The following TTC33 variants were observed in gnomAD, a reference collection of about 807,000 sequenced individuals.
TTC33 encodes tetratricopeptide repeat domain 33.
In TTC33, 24 loss-of-function variants were observed where a neutral mutation model predicts 29.4. The ratio of observed to expected loss-of-function variants is 0.82; its 90% CI spans 0.59 to 1.15. TTC33 has a LOEUF of 1.15. Ranked by LOEUF, TTC33 falls within the 50% of genes most tolerant of loss-of-function variation. The pLI, the probability that TTC33 is intolerant of heterozygous loss-of-function variation, is 0.00. For missense variants in TTC33, 286 were observed against 310.4 expected (o/e 0.92, Z 0.59); for synonymous variants, 107 against 100.3 (o/e 1.07, Z -0.40).
chr5:40,751,994 T>G (rs1343677188), intron 1 of TTC33, among the ~76,000 whole-genome samples: 1 of 151,704 alleles, frequency 6.6e-6, no homozygotes, highest in Non-Finnish European at 1.5e-5. Context: ...TCTCATTTAG[T>G]GTAGCCAACT....
At chr5:40,718,041 A>T (rs1339668092) in intron 4 of TTC33, among the ~76,000 whole-genome samples, 1 of 151,652 alleles carries the variant, frequency 6.6e-6, no homozygotes, top group Non-Finnish European at 1.5e-5. Flanking sequence ...CAGCCTGGGC[A>T]ACAAGAGCGA....
chr5:40,736,344 T>C (rs1287840309), intron 2 of TTC33, among the ~76,000 whole-genome samples: 2 of 152,216 alleles, frequency 1.3e-5, no homozygotes, highest in Non-Finnish European at 2.9e-5. Flanking sequence ...CACCCTCAAA[T>C]TTACATTAGT....
intron 1 of TTC33, among the ~76,000 whole-genome samples, chr5:40,749,965 G>A (rs1452516813): frequency 6.6e-6 from 1 of 152,010 alleles, no homozygotes; most frequent in Non-Finnish European, 1.5e-5. Flanking sequence ...GCATGTGCCT[G>A]TAATCCCAGC....
intron 2 of TTC33, among the ~76,000 whole-genome samples, chr5:40,734,656 C>T (rs968137144): frequency 1.3e-5 from 2 of 152,154 alleles, no homozygotes; most frequent in East Asian, 3.8e-4. Context: ...TTTACTGTGG[C>T]TTTAAATTTA....
In TTC33 at chr5:40,732,126, C is replaced by T. The variant is rs554886217; in HGVS notation, c.222-1783G>A. 2.6e-5 allele frequency among the ~76,000 whole-genome samples: 4 copies of T among 152,332 alleles called. No homozygotes were observed. The South Asian group carries it at 6.2e-4, about 24-fold the overall frequency. ...TCTTGGGCTCAAGGGCCTCCCACCTCAGCCTACTGAGTAGCTAGGACTACA... is the reference window on the plus strand; with the variant it reads ...TCTTGGGCTCAAGGGCCTCCCACCTTAGCCTACTGAGTAGCTAGGACTACA... On this transcript the variant is annotated intron_variant, in intron 2 of 4. Coordinates refer to ENST00000337702, the MANE Select transcript of TTC33 (RefSeq NM_012382.3).
Position 40,716,143 on chromosome 5 carries a change from C to G in TTC33, c.*2G>C. 1 of 1,591,552 alleles carries G rather than the reference C, an allele frequency of 6.3e-7. No individual in the cohort carries two copies. The highest frequency in any genetic ancestry group is 8.6e-7 in the Non-Finnish European group (1 of 1,167,438). On this transcript the variant is annotated 3_prime_UTR_variant, in exon 5 of 5. Coordinates refer to ENST00000337702, the MANE Select transcript of TTC33 (RefSeq NM_012382.3). ...GATTCAAATAATCCTATGCATACTG[C>G]TTCATCGGGCTTTGATAAAAACAGA...
intron 2 of TTC33, among the ~76,000 whole-genome samples, chr5:40,732,236 C>T (rs962485764): frequency 6.6e-5 from 10 of 151,900 alleles, no homozygotes; most frequent in Non-Finnish European, 1.5e-4. Flanking sequence ...AGGCTGGTCT[C>T]AAACTTCTGG....
chr5:40,722,750 G>A (rs1245445988), intron 4 of TTC33, among the ~76,000 whole-genome samples: 5 of 150,748 alleles, frequency 3.3e-5, no homozygotes, highest in African/African-American at 7.3e-5. Flanking sequence ...GCCCCTGCCC[G>A]GCCAGACGCC....
intron 4 of TTC33, among the ~76,000 whole-genome samples, chr5:40,718,072 A>C (rs1254487875): frequency 6.6e-6 from 1 of 152,044 alleles, no homozygotes; most frequent in Non-Finnish European, 1.5e-5. Context: ...CAAAAAAAAA[A>C]AAGATTGCAC....
chr5:40,752,831 G>A (rs1579695727), intron 1 of TTC33, among the ~76,000 whole-genome samples: 1 of 152,194 alleles, frequency 6.6e-6, no homozygotes, highest in African/African-American at 2.4e-5. Flanking sequence ...TGGACACAGG[G>A]TTACTGAGCA....
chr5:40,728,315 T>C, intron 4 of TTC33, 30 bp downstream of exon 4: 1 of 1,015,594 alleles, frequency 9.8e-7, no homozygotes, highest in Non-Finnish European at 1.3e-6. Flanking sequence ...TACTTAAAAT[T>C]TCTGCATTAT....
At chr5:40,736,618 C>A (rs1742556817) in intron 2 of TTC33, among the ~76,000 whole-genome samples, 2 of 152,080 alleles carry the variant, frequency 1.3e-5, no homozygotes, top group Admixed American at 1.3e-4. Context: ...TATATTACTA[C>A]TACAGGAAAT....
intron 1 of TTC33, among the ~76,000 whole-genome samples, chr5:40,752,882 A>C (rs1439045857): frequency 1.3e-5 from 2 of 152,204 alleles, no homozygotes. Flanking sequence ...AAGTGTGATA[A>C]AGTGAAGCAC....
At chr5:40,753,673 C>A (rs1187857556) in intron 1 of TTC33, among the ~76,000 whole-genome samples, 1 of 152,056 alleles carries the variant, frequency 6.6e-6, no homozygotes, top group African/African-American at 2.4e-5. Flanking sequence ...AAATACAGAT[C>A]ATTAGGAAAG....
intron 1 of TTC33, among the ~76,000 whole-genome samples, chr5:40,751,317 T>C (rs1370370944): frequency 6.6e-6 from 1 of 152,224 alleles, no homozygotes; most frequent in Non-Finnish European, 1.5e-5. Flanking sequence ...CAGGGTGCAC[T>C]GTCAATGAGC....
intron 2 of TTC33, 74 bp from the exon 3 acceptor site, chr5:40,730,417 T>C: frequency 8.4e-7 from 1 of 1,190,474 alleles, no homozygotes; most frequent in East Asian, 2.4e-5. Flanking sequence ...AAATTTTTAT[T>C]GTAGTAAAAT....
chr5:40,738,379 C>T (rs1471063904), intron 2 of TTC33, among the ~76,000 whole-genome samples: 1 of 151,254 alleles, frequency 6.6e-6, no homozygotes, highest in Non-Finnish European at 1.5e-5. Context: ...CATGCCACTG[C>T]AGTCCAGCCT....
chr5:40,729,763 A>G (rs1453698705), intron 3 of TTC33, among the ~76,000 whole-genome samples: 1 of 152,170 alleles, frequency 6.6e-6, no homozygotes, highest in East Asian at 1.9e-4. Context: ...CAGTGGCACT[A>G]TCTCAGCTCA....
At chr5:40,723,134 C>T (rs2111877963) in intron 4 of TTC33, among the ~76,000 whole-genome samples, 1 of 151,990 alleles carries the variant, frequency 6.6e-6, no homozygotes, top group South Asian at 2.1e-4. Flanking sequence ...ATAACCTTAC[C>T]CCCAACCCCG....
Sources: allele counts gnomAD v4.1 joint callset (sites outside exome capture counted in the v4.1 genomes callset), GRCh38; gene constraint gnomAD v4.1.1; transcripts MANE v1.5; gene names NCBI Gene and HGNC (gene_info 2026-07-23, HGNC 2026-07-21).